A1CF: variants seen among roughly 807,000 people sequenced by gnomAD.
A1CF encodes the protein APOBEC1 complementation factor.
In A1CF, 48 loss-of-function variants were observed where a neutral mutation model predicts 68.9. That is an observed-to-expected ratio of 0.70 (90% CI 0.55 to 0.89). A1CF has a LOEUF of 0.89. Ranked by LOEUF, A1CF falls within the 40% of genes least tolerant of loss-of-function variation. The pLI is 0.00. For synonymous variants in A1CF, 272 were observed against 260.4 expected (o/e 1.04, Z -0.43); for missense variants, 653 against 718.9 (o/e 0.91, Z 1.05).
At position 50,836,304 on chromosome 10, in the gene A1CF, C is replaced by T. The variant is rs148254279; in HGVS notation, c.374G>A (p.Arg125His). 22 of 1,608,984 alleles carry T rather than the reference C, an allele frequency of 1.4e-5. No individual in the cohort carries two copies. Among genetic ancestry groups the T allele is most frequent in the African/African-American group, 8.1e-5 (6 of 74,414 alleles). Reference sequence around the variant, plus strand: ...CACACTGGCACAAACCCCTAAGAGGCGCCCATTTCTGCAAAAAGAGCAGGG... The same window carrying T: ...CACACTGGCACAAACCCCTAAGAGGTGCCCATTTCTGCAAAAAGAGCAGGG... ...QLNNYEIRNG[R>H]LLGVCASVDN... The change falls in exon 6 of 13, where the codon CGC (arginine) becomes CAC (histidine). Residue 125 changes from arginine to histidine, a missense_variant. By Grantham distance (29) the Arg-to-His change is conservative. Coordinates refer to ENST00000373997, the MANE Select transcript of A1CF (RefSeq NM_014576.4).
chr10:50,854,572 A>G (rs1840392990), intron 3 of A1CF, among the ~76,000 whole-genome samples: 1 of 152,006 alleles, frequency 6.6e-6, no homozygotes, highest in African/African-American at 2.4e-5. Flanking sequence ...TATATAGAAA[A>G]TGCTGATCTT....
intron 12 of A1CF, among the ~76,000 whole-genome samples, chr10:50,807,609 C>T (rs753671937): frequency 5.1e-4 from 78 of 152,258 alleles, no homozygotes; most frequent in Non-Finnish European, 7.9e-4. Flanking sequence ...ATAATCTATG[C>T]GCTTTCATGT....
rs968290452 is a variant in A1CF at position 50,859,701 on chromosome 10, A to G, written c.99+141T>C. ...GTCATCTACAAAACAGAAATGTTGC[A>G]ATTTCCTTCTCTTTTAGAAAGGGAC... On this transcript the variant is annotated intron_variant, in intron 3 of 12. Coordinates refer to ENST00000373997, the MANE Select transcript of A1CF (RefSeq NM_014576.4). The G allele has an allele frequency of 6.0e-6, 4 of 669,500 alleles. No homozygotes were observed. The African/African-American group carries it at 7.3e-5, about 12-fold the overall frequency. 41.5% of individuals were successfully genotyped at this position (669,500 alleles called of 1,614,324 possible). A position where few individuals can be genotyped will look rare whatever the true frequency, so the allele number is the denominator to read the frequency against.
At chr10:50,850,907 CTT>C (rs938644364) in intron 3 of A1CF, 7 of 1,359,438 alleles carry the variant, frequency 5.1e-6, no homozygotes, top group Non-Finnish European at 6.9e-6. Flanking sequence ...GCCCATCTAA[CTT>C]TTTTGTTTAC....
intron 4 of A1CF, among the ~76,000 whole-genome samples, chr10:50,843,131 C>A (rs1258828896): frequency 6.6e-6 from 1 of 152,214 alleles, no homozygotes; most frequent in Non-Finnish European, 1.5e-5. Flanking sequence ...CCCTAGCCCA[C>A]CCTCACGTAT....
intron 3 of A1CF, among the ~76,000 whole-genome samples, chr10:50,856,829 T>C (rs1309817152): frequency 1.3e-5 from 2 of 152,126 alleles, no homozygotes; most frequent in African/African-American, 4.8e-5. Context: ...ATAAGCATTT[T>C]CTGAATATCA....
At chr10:50,864,981 CTGTTTCTTTACATA>C (rs1222325244) in intron 1 of A1CF, among the ~76,000 whole-genome samples, 1 of 152,102 alleles carries the variant, frequency 6.6e-6, no homozygotes, top group Non-Finnish European at 1.5e-5. Context: ...CTATCTGAGC[CTGTTTCTTTACATA>C]TAAAATTACG....
chr10:50,846,859 AGTTCAG>A (rs1325948311), intron 3 of A1CF, among the ~76,000 whole-genome samples: 2 of 152,188 alleles, frequency 1.3e-5, no homozygotes, highest in Non-Finnish European at 1.5e-5. Flanking sequence ...GAGTCTGGCC[AGTTCAG>A]GGATGCCCTG....
chr10:50,879,797 C>A (rs1032287600), intron 1 of A1CF, among the ~76,000 whole-genome samples: 3 of 152,184 alleles, frequency 2.0e-5, no homozygotes, highest in South Asian at 4.1e-4. Context: ...AAAAGCTAAA[C>A]CATATCCATG....
chr10:50,878,350 G>T (rs12259304), intron 1 of A1CF, among the ~76,000 whole-genome samples: 4,649 of 152,210 alleles, frequency 0.031, 216 homozygotes, highest in African/African-American at 0.1. Flanking sequence ...TAGCTAAATG[G>T]CTAAAGTTTA....
Position 50,811,024 on chromosome 10 carries a change from T to A in A1CF, c.1460+16A>T, listed in dbSNP as rs763781365. The stretch of plus-strand genomic sequence containing the variant: ...TCCTGCTCTAAAATGGTAAGGAATT[T>A]GGAGAAGTTACGCACATTGCAGGAT... On this transcript the variant is annotated intron_variant, in intron 11 of 12. Coordinates refer to ENST00000373997, the MANE Select transcript of A1CF (RefSeq NM_014576.4). 2 of 1,603,542 alleles carry A rather than the reference T, an allele frequency of 1.2e-6. No individual in the cohort carries two copies. The highest frequency in any genetic ancestry group is 2.2e-5 in the South Asian group (2 of 89,358).
At chr10:50,841,732 A>G in intron 5 of A1CF, 130 bp downstream of exon 5, 3 of 1,099,930 alleles carry the variant, frequency 2.7e-6, no homozygotes, top group Non-Finnish European at 2.6e-6. Context: ...TTGCCAAGGA[A>G]AAATACTAAT....
At chr10:50,815,407 C>T (rs546041281) in intron 9 of A1CF, among the ~76,000 whole-genome samples, 1 of 152,038 alleles carries the variant, frequency 6.6e-6, no homozygotes, top group South Asian at 2.1e-4. Flanking sequence ...ATTTGTTGTT[C>T]AGTTCTCCAT....
At position 50,802,040 on chromosome 10, in the gene A1CF, G is replaced by A. The variant is rs1292002729; in HGVS notation, c.*4689C>T. On this transcript the variant is annotated 3_prime_UTR_variant, in exon 13 of 13. Transcript: ENST00000373997. ...CTTTAAAAATGTTGGACATTTGGAG[G>A]GCAATAGAGTATTCTGTACCCATTT... The A allele has an allele frequency of 6.6e-6, 1 of 151,986 alleles. No individual in the cohort carries two copies. Among genetic ancestry groups the A allele is most frequent in the Non-Finnish European group, 1.5e-5 (1 of 67,992 alleles). 9.4% of individuals were successfully genotyped at this position (151,986 alleles called of 1,614,324 possible). A position where few individuals can be genotyped will look rare whatever the true frequency, so the allele number is the denominator to read the frequency against.
At chr10:50,858,573 A>G (rs1042824975) in intron 3 of A1CF, among the ~76,000 whole-genome samples, 27 of 152,154 alleles carry the variant, frequency 1.8e-4, no homozygotes, top group African/African-American at 2.4e-5. Context: ...ACACTCATAT[A>G]TAAATATTAA....
chr10:50,832,093 G>A (rs1315195029), intron 6 of A1CF, among the ~76,000 whole-genome samples: 1 of 152,162 alleles, frequency 6.6e-6, no homozygotes, highest in East Asian at 1.9e-4. Context: ...AAATCATTAT[G>A]TTAAAGAGAT....
intron 5 of A1CF, among the ~76,000 whole-genome samples, chr10:50,838,773 G>A (rs1839638892): frequency 6.6e-6 from 1 of 152,208 alleles, no homozygotes; most frequent in Non-Finnish European, 1.5e-5. Flanking sequence ...CCAAGGCAGA[G>A]TGCAAGTAGG....
chr10:50,876,100 T>C (rs1172170961), intron 1 of A1CF, among the ~76,000 whole-genome samples: 1 of 152,218 alleles, frequency 6.6e-6, no homozygotes, highest in Non-Finnish European at 1.5e-5. Context: ...CATTATTCTT[T>C]CTATAATTTC....
rs1413326352 is a variant in A1CF, at chr10:50,820,645, A to G, written c.774T>C (p.Ala258=). 1.2e-6 allele frequency: 2 copies of G among 1,612,764 alleles called. No individual in the cohort carries two copies. The highest frequency in any genetic ancestry group is 1.3e-5 in the African/African-American group (1 of 74,894). The change falls in exon 8 of 13, where the codon GCT becomes GCC. Residue 258 remains alanine, a synonymous_variant. Coordinates refer to ENST00000373997, the MANE Select transcript of A1CF (RefSeq NM_014576.4). Reference sequence around the variant, plus strand: ...CTCGAATTTTCTTCACCCTCTCCACAGCACCTGTAAAATAGAGTGAAGGTT... The same window carrying G: ...CTCGAATTTTCTTCACCCTCTCCACGGCACCTGTAAAATAGAGTGAAGGTT... ...EKEFNNIKPG[A]VERVKKIRDY... is the part of the protein sequence containing the mutation.
Sources: gnomAD v4.1 joint callset for allele counts (sites outside exome capture counted in the v4.1 genomes callset) on GRCh38, gnomAD v4.1.1 for gene constraint, MANE v1.5 for transcripts, NCBI Gene and HGNC (gene_info 2026-07-23, HGNC 2026-07-21) for gene names.